WWC1: variants seen among roughly 807,000 people sequenced by gnomAD.
The protein encoded by WWC1 is WW and C2 domain containing 1, also known as protein KIBRA.
WWC1 carries 55 observed loss-of-function variants against 138.4 expected under a neutral mutation model. The observed-to-expected ratio is 0.40, with a 90% CI of 0.32 to 0.50. WWC1 has a LOEUF of 0.50. Ranked by LOEUF, WWC1 falls within the 20% of genes least tolerant of loss-of-function variation. WWC1 has a pLI of 0.72. For missense variants in WWC1, 1,226 were observed against 1,420.4 expected (o/e 0.86, Z 2.20); for synonymous variants, 524 against 564.9 (o/e 0.93, Z 1.03).
In WWC1 at chr5:168,381,214, C is replaced by T. The variant is rs182093793; in HGVS notation, c.230-3997C>T. Among the ~76,000 whole-genome samples the T allele has an allele frequency of 2.3e-3, 357 of 152,262 alleles. 1 individual carries two copies. The highest frequency in any genetic ancestry group is 8.0e-3 in the African/African-American group (332 of 41,566). On this transcript the variant is annotated intron_variant, in intron 2 of 22. Coordinates refer to ENST00000265293, the MANE Select transcript of WWC1 (RefSeq NM_015238.3). The stretch of plus-strand genomic sequence containing the variant: ...GCCACAAAAAATGGTCGCCAAGCCA[C>T]CTGGCTTGGCCAGACCTTCAGGTAA...
intron 5 of WWC1, among the ~76,000 whole-genome samples, chr5:168,403,264 A>AT (rs1338495577): frequency 6.6e-6 from 1 of 151,732 alleles, no homozygotes; most frequent in African/African-American, 2.4e-5. Flanking sequence ...TGCCCGGCTA[A>AT]TTTTTTGTAT....
In WWC1 at chr5:168,310,315, C is replaced by T. The variant is rs184140374; in HGVS notation, c.119+18044C>T. ...TTACCCAGATTTACCAGTTTTTTTG[C>T]GTTGACCATTTACCTTATATTCTCT... On this transcript the variant is annotated intron_variant, in intron 1 of 22. Transcript: ENST00000265293. Among the ~76,000 whole-genome samples the T allele has an allele frequency of 1.3e-4, 19 of 151,490 alleles. No individual in the cohort carries two copies. In the East Asian group the frequency reaches 2.7e-3, roughly 22 times the overall value.
chr5:168,374,058 A>AG (rs1776978642), intron 2 of WWC1, among the ~76,000 whole-genome samples: 1 of 148,784 alleles, frequency 6.7e-6, no homozygotes, highest in South Asian at 2.1e-4. Context: ...AAAAAAAAAA[A>AG]AAAAAAGAGA....
chr5:168,470,971 C>T lies in WWC1; in HGVS notation c.*1954C>T, dbSNP rs1448876982. On this transcript the variant is annotated 3_prime_UTR_variant, in exon 23 of 23. Transcript: ENST00000265293. Reference sequence around the variant, plus strand: ...TCTTATGCACACCGCAATTTGAGAGCCCCACTGGTATAAAGTGAGTGAAAC... The same window carrying T: ...TCTTATGCACACCGCAATTTGAGAGTCCCACTGGTATAAAGTGAGTGAAAC... 6.6e-6 allele frequency: 1 copy of T among 152,220 alleles called. No individual in the cohort carries two copies. Among genetic ancestry groups the T allele is most frequent in the Non-Finnish European group, 1.5e-5 (1 of 68,100 alleles). The allele number at this position is 152,220 out of a possible 1,614,324, so 9.4% of individuals were successfully genotyped here. A position where few individuals can be genotyped will look rare whatever the true frequency, so the allele number is the denominator to read the frequency against.
At chr5:168,333,077 C>G (rs1326740903) in intron 1 of WWC1, among the ~76,000 whole-genome samples, 4 of 152,234 alleles carry the variant, frequency 2.6e-5, no homozygotes, top group African/African-American at 9.6e-5. Context: ...GACCTCCTGA[C>G]TTCAGCATCT....
intron 1 of WWC1, among the ~76,000 whole-genome samples, chr5:168,332,854 A>G (rs998309735): frequency 1.6e-4 from 25 of 152,180 alleles, no homozygotes; most frequent in African/African-American, 6.0e-4. Flanking sequence ...GACTGAAGGC[A>G]TGAGCCACCA....
At chr5:168,455,898 C>A (rs1191022345) in intron 19 of WWC1, among the ~76,000 whole-genome samples, 2 of 152,088 alleles carry the variant, frequency 1.3e-5, no homozygotes, top group African/African-American at 4.8e-5. Flanking sequence ...CCTGAGGCTG[C>A]AAAATTACAG....
In WWC1 at chr5:168,469,224, CA is replaced by C. The variant is rs1757561033; in HGVS notation, c.*208del. 3.7e-6 allele frequency: 2 copies of C among 544,168 alleles called. No homozygotes were observed. The highest frequency in any genetic ancestry group is 6.6e-6 in the Non-Finnish European group (2 of 304,532). The allele number at this position is 544,168 out of a possible 1,614,324, so 33.7% of individuals were successfully genotyped here. On this transcript the variant is annotated 3_prime_UTR_variant, in exon 23 of 23. Transcript: ENST00000265293. ...AACAAAACACACACACACACAAAAA[CA>C]GAAACAAAAAAAACCAGCATTAAAA...
intron 1 of WWC1, among the ~76,000 whole-genome samples, chr5:168,334,054 G>GA (rs70976475): frequency 0.72 from 32,216 of 44,472 alleles, 12,758 homozygotes; most frequent in East Asian, 0.96. Context: ...CATCCCTACT[G>GA]AAAAAAAAAA....
intron 16 of WWC1, among the ~76,000 whole-genome samples, chr5:168,442,963 C>G (rs116344225): frequency 1.3e-5 from 2 of 152,128 alleles, no homozygotes; most frequent in Non-Finnish European, 2.9e-5. Flanking sequence ...CTGTCTCCCC[C>G]GTTTGGAAAG....
At chr5:168,317,905 G>A (rs190747746) in intron 1 of WWC1, among the ~76,000 whole-genome samples, 27 of 152,292 alleles carry the variant, frequency 1.8e-4, no homozygotes, top group African/African-American at 5.3e-4. Flanking sequence ...GCCCAGTGAC[G>A]TCATGAAAAT....
At chr5:168,459,635 G>A (rs943423316) in intron 19 of WWC1, among the ~76,000 whole-genome samples, 1 of 152,300 alleles carries the variant, frequency 6.6e-6, no homozygotes, top group African/African-American at 2.4e-5. Context: ...GTCTGGTTCT[G>A]TTGAGGCCCT....
chr5:168,453,850 T>G, intron 17 of WWC1, 118 bp from the exon 18 acceptor site: 1 of 1,511,432 alleles, frequency 6.6e-7, no homozygotes, highest in Non-Finnish European at 8.8e-7. Context: ...CCAAAACTTT[T>G]TAAAATATAT....
In WWC1 at chr5:168,450,658, T is replaced by TC. The variant is rs528062412; in HGVS notation, c.2526-3308dup. ...TCCAGCCTGGGCAACAGAGCGAGAC[T>TC]CCATCTCAAAAAAATAAAATAAAAT... On this transcript the variant is annotated intron_variant, in intron 17 of 22. Transcript: ENST00000265293. Among the ~76,000 whole-genome samples the TC allele has an allele frequency of 1.2e-3, 186 of 152,142 alleles. 6 individuals carry two copies. In the South Asian group the frequency reaches 0.037, roughly 30 times the overall value.
At chr5:168,396,031 T>C (rs922043116) in intron 3 of WWC1, among the ~76,000 whole-genome samples, 1 of 152,220 alleles carries the variant, frequency 6.6e-6, no homozygotes, top group Non-Finnish European at 1.5e-5. Context: ...TAAGCTTCTC[T>C]ATCCTCAGAA....
intron 3 of WWC1, among the ~76,000 whole-genome samples, chr5:168,394,776 C>T (rs1778769196): frequency 1.3e-5 from 2 of 152,096 alleles, no homozygotes; most frequent in Admixed American, 1.3e-4. Flanking sequence ...GGGATGCAGA[C>T]ACAAAGGAGA....
In WWC1 at chr5:168,423,735, C is replaced by A; in HGVS notation, c.1477C>A (p.Arg493=). 1 of 1,613,972 alleles carries A rather than the reference C, an allele frequency of 6.2e-7. No homozygotes were observed. The highest frequency in any genetic ancestry group is 8.5e-7 in the Non-Finnish European group (1 of 1,179,884). The change falls in exon 11 of 23, where the codon CGG becomes AGG. Residue 493 remains arginine (R), a synonymous_variant. Coordinates refer to ENST00000265293, the MANE Select transcript of WWC1 (RefSeq NM_015238.3). ...FLLLEGATGF[R]PSGCITTIHE... is the part of the protein sequence containing the mutation. ...GCTCCTGGAGGGGGCCACCGGCTTCCGGCCCTCAGGCTGCATCACCACCAT... is the reference window on the plus strand; with the variant it reads ...GCTCCTGGAGGGGGCCACCGGCTTCAGGCCCTCAGGCTGCATCACCACCAT...
chr5:168,330,632 A>C (rs1018630547), intron 1 of WWC1, among the ~76,000 whole-genome samples: 1 of 152,120 alleles, frequency 6.6e-6, no homozygotes, highest in African/African-American at 2.4e-5. Flanking sequence ...ACCTCCCCCC[A>C]TCCTACATGC....
intron 2 of WWC1, among the ~76,000 whole-genome samples, chr5:168,377,944 G>A (rs1486686404): frequency 6.6e-6 from 1 of 152,156 alleles, no homozygotes; most frequent in African/African-American, 2.4e-5. Flanking sequence ...CAAAAGGAAA[G>A]ATATCACTCT....
Sources: allele counts gnomAD v4.1 joint callset (sites outside exome capture counted in the v4.1 genomes callset), GRCh38; gene constraint gnomAD v4.1.1; transcripts MANE v1.5; gene names NCBI Gene and HGNC (gene_info 2026-07-23, HGNC 2026-07-21).